ADORA2B: variants seen among roughly 807,000 people sequenced by gnomAD.
ADORA2B encodes adenosine receptor A2b.
Under a neutral mutation model 20.8 loss-of-function variants are expected in ADORA2B, and 18 were observed. The ratio of observed to expected loss-of-function variants is 0.87; its 90% CI spans 0.60 to 1.29. The LOEUF (loss-of-function observed/expected upper bound fraction) is 1.29, where lower values mean the gene tolerates loss of function less well. Among genes scored for constraint, ADORA2B ranks in the 50% most tolerant of loss-of-function variants. The pLI, the probability that ADORA2B is intolerant of heterozygous loss-of-function variation, is 0.00. For synonymous variants in ADORA2B, 179 were observed against 178.3 expected (o/e 1.00, Z -0.03); for missense variants, 441 against 422.7 (o/e 1.04, Z -0.38).
chr17:15,955,431 G>A (rs559805017), intron 1 of ADORA2B, among the ~76,000 whole-genome samples: 3 of 148,266 alleles, frequency 2.0e-5, no homozygotes, highest in East Asian at 2.0e-4. Context: ...ACAGAGTCTC[G>A]CTTGTTGGCC....
At chr17:15,885,589 C>T in the ADORA2B span, among the ~76,000 whole-genome samples, 2 of 152,076 alleles carry the variant, frequency 1.3e-5, no homozygotes, top group Non-Finnish European at 2.9e-5. Context: ...TGGCATGTGC[C>T]TGTAGTCCCA....
chr17:15,958,580 T>A (rs1310033659), intron 1 of ADORA2B, among the ~76,000 whole-genome samples: 1 of 152,206 alleles, frequency 6.6e-6, no homozygotes, highest in African/African-American at 2.4e-5. Context: ...GGCCTAGGTC[T>A]GCTTCTGGCC....
the ADORA2B span, among the ~76,000 whole-genome samples, chr17:15,901,918 G>T: frequency 6.6e-6 from 1 of 152,092 alleles, no homozygotes; most frequent in African/African-American, 2.4e-5. Flanking sequence ...TTAGTTTACA[G>T]TTCAGTGGTA....
At chr17:15,926,548 C>T in the ADORA2B span, among the ~76,000 whole-genome samples, 20 of 151,700 alleles carry the variant, frequency 1.3e-4, no homozygotes, top group East Asian at 3.5e-3. Flanking sequence ...CATACTGGTT[C>T]ACTGGGGAGG....
chr17:15,925,285 C>T, the ADORA2B span, among the ~76,000 whole-genome samples: 3 of 152,126 alleles, frequency 2.0e-5, no homozygotes, highest in African/African-American at 7.2e-5. Context: ...ATCTGCCTGC[C>T]TCAGCCTCCC....
chr17:15,891,631 C>T, the ADORA2B span, among the ~76,000 whole-genome samples: 8 of 151,984 alleles, frequency 5.3e-5, no homozygotes, highest in Non-Finnish European at 7.4e-5. Flanking sequence ...CTGTTTAGAT[C>T]GCCATCAGCC....
chr17:15,861,975 C>G, the ADORA2B span, among the ~76,000 whole-genome samples: 12,309 of 152,032 alleles, frequency 0.081, 1,395 homozygotes, highest in African/African-American at 0.25. Flanking sequence ...GGCCCAGCCT[C>G]TCCCTCCACC....
chr17:15,888,850 ATTTTTTTTTT>A, the ADORA2B span, among the ~76,000 whole-genome samples: 2 of 6,732 alleles, frequency 3.0e-4, no homozygotes, highest in Non-Finnish European at 4.5e-4. Context: ...ATATATATAT[ATTTTTTTTTT>A]TTTTTTTTTT....
In ADORA2B at chr17:15,964,863, C is replaced by CA. The variant is rs534127462; in HGVS notation, c.336-9815dup. Among the ~76,000 whole-genome samples, 42 of 152,012 alleles carry CA rather than the reference C, an allele frequency of 2.8e-4. 1 individual carries two copies. The highest frequency in any genetic ancestry group is 9.4e-4 in the African/African-American group (39 of 41,444). ...AATCACGAGGTCAGGAGATCGAGAC[C>CA]ATCCTGGCTAACACGGTGAAACCCC... On this transcript the variant is annotated intron_variant, in intron 1 of 1. Transcript: ENST00000304222.
At chr17:15,934,856 G>C in the ADORA2B span, among the ~76,000 whole-genome samples, 49 of 152,082 alleles carry the variant, frequency 3.2e-4, no homozygotes, top group Middle Eastern at 3.4e-3. Flanking sequence ...GCCCAAAGTG[G>C]AGTGCAGTGG....
At chr17:15,938,123 T>C in the ADORA2B span, among the ~76,000 whole-genome samples, 2 of 150,226 alleles carry the variant, frequency 1.3e-5, no homozygotes, top group African/African-American at 4.9e-5. Context: ...GGTGAGTGGA[T>C]CACATGAGCC....
chr17:15,863,848 T>C, the ADORA2B span, among the ~76,000 whole-genome samples: 1 of 152,192 alleles, frequency 6.6e-6, no homozygotes, highest in Non-Finnish European at 1.5e-5. Context: ...CTCCCCAGAC[T>C]CATGACAGTC....
At chr17:15,857,525 G>GA in the ADORA2B span, among the ~76,000 whole-genome samples, 1 of 152,338 alleles carries the variant, frequency 6.6e-6, no homozygotes, top group South Asian at 2.1e-4. Context: ...AAAGCAGCTA[G>GA]AAGGGGTGTT....
chr17:15,967,594 C>T (rs1322564200), intron 1 of ADORA2B, among the ~76,000 whole-genome samples: 1 of 151,966 alleles, frequency 6.6e-6, no homozygotes, highest in Non-Finnish European at 1.5e-5. Flanking sequence ...GGCCAGGGCA[C>T]GTGGGGAAGG....
At chr17:15,882,936 G>C in the ADORA2B span, among the ~76,000 whole-genome samples, 1 of 152,184 alleles carries the variant, frequency 6.6e-6, no homozygotes, top group Non-Finnish European at 1.5e-5. Context: ...AGGAGGCCTT[G>C]ATATTTGCTG....
the ADORA2B span, among the ~76,000 whole-genome samples, chr17:15,865,871 G>A: frequency 6.6e-6 from 1 of 150,492 alleles, no homozygotes; most frequent in South Asian, 2.1e-4. Flanking sequence ...AGTTTAATAG[G>A]CAAGAAGGAT....
the ADORA2B span, among the ~76,000 whole-genome samples, chr17:15,895,058 C>G: frequency 1.3e-5 from 2 of 152,088 alleles, no homozygotes; most frequent in African/African-American, 4.8e-5. Context: ...AGGCCGTCTG[C>G]TGACAAAATT....
the ADORA2B span, among the ~76,000 whole-genome samples, chr17:15,877,761 C>T: frequency 6.6e-6 from 1 of 152,118 alleles, no homozygotes; most frequent in Non-Finnish European, 1.5e-5. Flanking sequence ...ACATCTCTAA[C>T]CCAGTCCTCC....
the ADORA2B span, among the ~76,000 whole-genome samples, chr17:15,870,413 C>T: frequency 6.6e-6 from 1 of 152,142 alleles, no homozygotes; most frequent in Non-Finnish European, 1.5e-5. Context: ...CCAAGGCAGA[C>T]AGATCTCTTG....
Sources: allele counts gnomAD v4.1 joint callset (sites outside exome capture counted in the v4.1 genomes callset), GRCh38; gene constraint gnomAD v4.1.1; transcripts MANE v1.5; gene names NCBI Gene and HGNC (gene_info 2026-07-23, HGNC 2026-07-21).